Variants in IDO2 observed in about 807,000 individuals in gnomAD.
The protein encoded by IDO2 is indoleamine 2,3-dioxygenase-like 1 protein.
IDO2 carries 46 observed loss-of-function variants against 45.1 expected under a neutral mutation model. The observed-to-expected ratio is 1.02, with a 90% CI of 0.80 to 1.30. The LOEUF (loss-of-function observed/expected upper bound fraction) is 1.30. Among genes scored for constraint, IDO2 ranks in the 50% most tolerant of loss-of-function variants. The pLI, the probability that IDO2 is intolerant of heterozygous loss-of-function variation, is 0.00. For missense variants in IDO2, 544 were observed against 491.8 expected (o/e 1.11, Z -1.00); for synonymous variants, 218 against 184.9 (o/e 1.18, Z -1.45).
intron 3 of IDO2, among the ~76,000 whole-genome samples, chr8:39,977,270 T>A (rs892979618): frequency 2.6e-5 from 4 of 152,166 alleles, no homozygotes; most frequent in African/African-American, 9.7e-5. Flanking sequence ...ATCTCAAGAA[T>A]AAAACAAAAA....
At chr8:39,956,352 A>T (rs1297524806) in intron 2 of IDO2, among the ~76,000 whole-genome samples, 1 of 152,118 alleles carries the variant, frequency 6.6e-6, no homozygotes, top group Non-Finnish European at 1.5e-5. Flanking sequence ...ATGAGCCACC[A>T]CACGCAGCCA....
intron 8 of IDO2, among the ~76,000 whole-genome samples, chr8:39,992,479 C>T (rs1801953138): frequency 6.6e-6 from 1 of 152,206 alleles, no homozygotes; most frequent in African/African-American, 2.4e-5. Context: ...AGAGTCAAGC[C>T]ATTGCCATCT....
chr8:39,966,597 A>G (rs1361258411), intron 3 of IDO2, among the ~76,000 whole-genome samples: 3 of 152,182 alleles, frequency 2.0e-5, no homozygotes, highest in Non-Finnish European at 4.4e-5. Flanking sequence ...TTGATCTTAC[A>G]GTGCACCTAA....
intron 3 of IDO2, among the ~76,000 whole-genome samples, chr8:39,968,797 C>T (rs539792675): frequency 3.4e-4 from 51 of 151,404 alleles, no homozygotes; most frequent in Non-Finnish European, 5.2e-4. Flanking sequence ...TTGACAGGCG[C>T]AGCAAACCAC....
intron 2 of IDO2, among the ~76,000 whole-genome samples, chr8:39,956,885 A>C (rs756545645): frequency 6.6e-6 from 1 of 151,890 alleles, no homozygotes; most frequent in Non-Finnish European, 1.5e-5. Flanking sequence ...TCTACTAAAA[A>C]GACAAAAATC....
At chr8:39,955,894 G>A (rs941922362) in intron 2 of IDO2, among the ~76,000 whole-genome samples, 1 of 151,998 alleles carries the variant, frequency 6.6e-6, no homozygotes, top group Non-Finnish European at 1.5e-5. Flanking sequence ...GCAATGCTCC[G>A]ACTCACTTGA....
At chr8:40,010,354 G>C (rs920625574) in intron 9 of IDO2, among the ~76,000 whole-genome samples, 2 of 152,172 alleles carry the variant, frequency 1.3e-5, no homozygotes, top group African/African-American at 4.8e-5. Context: ...ACACTCAGGG[G>C]AGAATAAGAA....
intron 3 of IDO2, among the ~76,000 whole-genome samples, chr8:39,974,283 A>T (rs1177354613): frequency 1.3e-5 from 2 of 152,264 alleles, no homozygotes; most frequent in East Asian, 3.9e-4. Flanking sequence ...ACAGGGTGAA[A>T]TGTTGGGAAC....
rs1802205963 is a variant in IDO2 at position 40,005,388 on chromosome 8, G to A, written c.719+10G>A. 1.3e-6 allele frequency: 2 copies of A among 1,535,550 alleles called. No homozygotes were observed. The highest frequency in any genetic ancestry group is 1.3e-5 in the South Asian group (1 of 78,704). On this transcript the variant is annotated intron_variant, in intron 9 of 10. Transcript: ENST00000502986. ...GGATCTTTCTCTCTGGGTAAGTATA[G>A]TTCAGTTGTTTTCCTGTGTGAAGTC... is the stretch of plus-strand genomic sequence containing the variant.
intron 8 of IDO2, among the ~76,000 whole-genome samples, chr8:39,993,416 G>A (rs1310409640): frequency 6.6e-6 from 1 of 152,172 alleles, no homozygotes; most frequent in Non-Finnish European, 1.5e-5. Context: ...GCAGCGTTAA[G>A]AATTTTTTCT....
intron 2 of IDO2, among the ~76,000 whole-genome samples, chr8:39,955,582 G>T (rs996074117): frequency 6.6e-6 from 1 of 151,950 alleles, no homozygotes; most frequent in Non-Finnish European, 1.5e-5. Flanking sequence ...ATGCCAGGTG[G>T]GGGGAGGGGA....
At chr8:40,004,098 G>A (rs1263213117) in intron 8 of IDO2, among the ~76,000 whole-genome samples, 1 of 152,188 alleles carries the variant, frequency 6.6e-6, no homozygotes, top group Non-Finnish European at 1.5e-5. Context: ...AAAAGTAGTA[G>A]TGTCTTAGCA....
chr8:40,011,646 A>G (rs1381532695), intron 9 of IDO2, among the ~76,000 whole-genome samples: 1 of 152,218 alleles, frequency 6.6e-6, no homozygotes, highest in Non-Finnish European at 1.5e-5. Flanking sequence ...ACTCTAAAGA[A>G]TATGATAAAA....
At chr8:39,955,646 G>A (rs577530396) in intron 2 of IDO2, among the ~76,000 whole-genome samples, 2 of 152,010 alleles carry the variant, frequency 1.3e-5, no homozygotes, top group Admixed American at 1.3e-4. Flanking sequence ...CTGAAGCTTA[G>A]ACTCGAATCT....
Position 39,982,644 on chromosome 8 carries a change from T to C in IDO2, c.316-8T>C. 6.4e-7 allele frequency: 1 copy of C among 1,567,128 alleles called. No individual in the cohort carries two copies. The highest frequency in any genetic ancestry group is 8.7e-7 in the Non-Finnish European group (1 of 1,143,536). On this transcript the variant is annotated splice_region_variant and splice_polypyrimidine_tract_variant and intron_variant, in intron 4 of 10. Transcript: ENST00000502986. ...AATATGCTATTTGTCTGGATTTATA[T>C]CTGAAAGGTCCTGCCAAGGAATCTT...
intron 3 of IDO2, among the ~76,000 whole-genome samples, chr8:39,972,431 A>G (rs1363815675): frequency 6.6e-6 from 1 of 151,806 alleles, no homozygotes; most frequent in Non-Finnish European, 1.5e-5. Flanking sequence ...ACATGATGAA[A>G]TACCACTACC....
At chr8:39,989,808 G>A (rs764601855) in exon 8 of IDO2, 3 of 1,601,558 alleles carry the variant, frequency 1.9e-6, no homozygotes, top group Non-Finnish European at 2.6e-6. Context: ...GTCTATTCAG[G>A]ACATCACCAA....
intron 9 of IDO2, among the ~76,000 whole-genome samples, chr8:40,010,549 T>C (rs1419849082): frequency 6.6e-6 from 1 of 152,142 alleles, no homozygotes; most frequent in Non-Finnish European, 1.5e-5. Flanking sequence ...AGGGAAAATA[T>C]TTAAGAAGCG....
chr8:39,978,062 C>T (rs1460426115), intron 3 of IDO2, among the ~76,000 whole-genome samples: 14 of 152,018 alleles, frequency 9.2e-5, no homozygotes, highest in Admixed American at 8.5e-4. Flanking sequence ...TTTTAGAACC[C>T]CTGGGGATGG....
Sources: gnomAD v4.1 joint callset for allele counts (sites outside exome capture counted in the v4.1 genomes callset) on GRCh38, gnomAD v4.1.1 for gene constraint, MANE v1.5 for transcripts, NCBI Gene and HGNC (gene_info 2026-07-23, HGNC 2026-07-21) for gene names.